RGS13: variants seen among roughly 807,000 people sequenced by gnomAD.
RGS13 encodes the protein regulator of G-protein signalling 13.
A neutral mutation model predicts 19.9 loss-of-function variants in RGS13; 14 were observed. The ratio of observed to expected loss-of-function variants is 0.70; its 90% CI spans 0.46 to 1.10. The LOEUF is 1.10. Among genes scored for constraint, RGS13 ranks in the 50% least tolerant of loss-of-function variants. RGS13 has a pLI of 0.00. For missense variants in RGS13, 205 were observed against 187.1 expected, an observed-to-expected ratio of 1.10 and a Z score of -0.56; for synonymous variants, 60 against 56.8, an observed-to-expected ratio of 1.06 and a Z score of -0.25.
intron 5 of RGS13, among the ~76,000 whole-genome samples, chr1:192,650,342 T>A (rs940082344): frequency 7.2e-5 from 11 of 151,934 alleles, no homozygotes; most frequent in African/African-American, 2.2e-4. Context: ...AATTCAACAA[T>A]CACATAATAA....
chr1:192,636,631 T>C (rs1558047675), intron 1 of RGS13, among the ~76,000 whole-genome samples: 1 of 152,028 alleles, frequency 6.6e-6, no homozygotes, highest in Admixed American at 6.6e-5. Flanking sequence ...ATTTTATATG[T>C]TTAGATAAAA....
intron 5 of RGS13, among the ~76,000 whole-genome samples, chr1:192,648,820 T>G (rs950163031): frequency 2.0e-5 from 3 of 152,106 alleles, no homozygotes; most frequent in Non-Finnish European, 4.4e-5. Context: ...GCTGTGCTAC[T>G]TACATGCTTT....
At position 192,659,638 on chromosome 1, in the gene RGS13, A is replaced by G. The variant is rs1571589670; in HGVS notation, c.*115A>G. 5.4e-6 allele frequency: 4 copies of G among 740,564 alleles called. No individual in the cohort carries two copies. The East Asian group carries it at 8.4e-5, about 16-fold the overall frequency. 45.9% of individuals were successfully genotyped at this position (740,564 alleles called of 1,614,324 possible). ...GTACAAATAAAACAGAAATCAAACTATAAGTTGACTTTTAGTTCCTAAAAA... is the reference window on the plus strand; with the variant it reads ...GTACAAATAAAACAGAAATCAAACTGTAAGTTGACTTTTAGTTCCTAAAAA... On this transcript the variant is annotated 3_prime_UTR_variant, in exon 7 of 7. Transcript: ENST00000391995.
At chr1:192,655,404 G>A (rs930290849) in intron 5 of RGS13, among the ~76,000 whole-genome samples, 10 of 152,198 alleles carry the variant, frequency 6.6e-5, no homozygotes, top group Admixed American at 3.3e-4. Context: ...ATACACAACA[G>A]CTAGGGTCAG....
chr1:192,654,221 T>C (rs189390673), intron 5 of RGS13, among the ~76,000 whole-genome samples: 91 of 151,924 alleles, frequency 6.0e-4, no homozygotes, highest in African/African-American at 2.0e-3. Context: ...TCCATAGATA[T>C]GGAACTCAAG....
At chr1:192,651,140 A>C (rs766821035) in intron 5 of RGS13, among the ~76,000 whole-genome samples, 8 of 152,112 alleles carry the variant, frequency 5.3e-5, no homozygotes, top group African/African-American at 7.2e-5. Flanking sequence ...AGGAGCACAA[A>C]GTGAGGTAAG....
chr1:192,658,454 C>G, intron 6 of RGS13, 87 bp downstream of exon 6: 1 of 1,237,802 alleles, frequency 8.1e-7, no homozygotes, highest in Non-Finnish European at 1.1e-6. Context: ...GTGCCAGGCA[C>G]TTTACATCCA....
chr1:192,652,385 T>G (rs570256915), intron 5 of RGS13, among the ~76,000 whole-genome samples: 30 of 152,162 alleles, frequency 2.0e-4, no homozygotes, highest in African/African-American at 7.0e-4. Flanking sequence ...TGCTGCACAG[T>G]GTGATTGGCA....
At chr1:192,646,655 C>T (rs932590331) in intron 4 of RGS13, 2 of 152,090 alleles carry the variant, frequency 1.3e-5, no homozygotes, top group Admixed American at 6.6e-5. Flanking sequence ...CCTCCCACGC[C>T]CCCACCCTAC....
intron 5 of RGS13, 22 bp from the exon 6 acceptor site, chr1:192,658,179 C>G: frequency 6.4e-7 from 1 of 1,559,534 alleles, no homozygotes; most frequent in East Asian, 2.3e-5. Context: ...TGAAAATAAA[C>G]TGATTTCTCC....
intron 1 of RGS13, among the ~76,000 whole-genome samples, chr1:192,636,877 T>C (rs1400891919): frequency 6.6e-6 from 1 of 151,996 alleles, no homozygotes; most frequent in Non-Finnish European, 1.5e-5. Context: ...TTGTGTGCTG[T>C]GGTCAACAAA....
intron 4 of RGS13, chr1:192,645,343 C>T (rs1663196845): frequency 6.6e-6 from 1 of 152,176 alleles, no homozygotes. Flanking sequence ...TTAAAAATCA[C>T]ATTCATGGAA....
intron 5 of RGS13, among the ~76,000 whole-genome samples, chr1:192,652,685 T>C (rs1438876169): frequency 6.6e-6 from 1 of 152,068 alleles, no homozygotes; most frequent in Admixed American, 6.6e-5. Context: ...GCTTCCTAGA[T>C]GTTCAATAAC....
chr1:192,657,681 T>G (rs1251186033), intron 5 of RGS13, among the ~76,000 whole-genome samples: 2 of 152,152 alleles, frequency 1.3e-5, no homozygotes, highest in Non-Finnish European at 2.9e-5. Flanking sequence ...CATCTATCTG[T>G]GTTCTGCTCT....
At chr1:192,643,119 C>T (rs1468533427) in intron 3 of RGS13, among the ~76,000 whole-genome samples, 3 of 152,088 alleles carry the variant, frequency 2.0e-5, no homozygotes, top group Non-Finnish European at 2.9e-5. Context: ...GCTTCAGCCT[C>T]CCAAATTGCT....
chr1:192,658,148 T>A (rs900869653), intron 5 of RGS13, 53 bp from the exon 6 acceptor site: 19 of 1,388,158 alleles, frequency 1.4e-5, no homozygotes, highest in Non-Finnish European at 1.8e-5. Flanking sequence ...TTGCTTAGAT[T>A]TTTTTGGTGA....
intron 3 of RGS13, among the ~76,000 whole-genome samples, chr1:192,641,493 T>C (rs1350355251): frequency 6.6e-6 from 1 of 152,140 alleles, no homozygotes; most frequent in African/African-American, 2.4e-5. Flanking sequence ...TCCTTGTTTC[T>C]GTCCTCCCTG....
intron 5 of RGS13, among the ~76,000 whole-genome samples, chr1:192,649,018 CACGTTAATCA>C (rs1663269385): frequency 6.6e-6 from 1 of 152,092 alleles, no homozygotes; most frequent in Admixed American, 6.6e-5. Flanking sequence ...CCTGCTGAAA[CACGTTAATCA>C]ACCATTCTGG....
At chr1:192,645,022 G>A (rs985307112) in intron 4 of RGS13, 4 of 152,310 alleles carry the variant, frequency 2.6e-5, no homozygotes, top group African/African-American at 7.2e-5. Flanking sequence ...TGTATGGTCA[G>A]AGCCCCTGGC....
Sources: allele counts gnomAD v4.1 joint callset (sites outside exome capture counted in the v4.1 genomes callset), GRCh38; gene constraint gnomAD v4.1.1; transcripts MANE v1.5; gene names NCBI Gene and HGNC (gene_info 2026-07-23, HGNC 2026-07-21).